Variants in PCSK5 observed in about 807,000 individuals in gnomAD.
The protein encoded by PCSK5 is prohormone convertase 5.
In PCSK5, 129 loss-of-function variants were observed where a neutral mutation model predicts 233.2. The ratio of observed to expected loss-of-function variants is 0.55; its 90% CI spans 0.48 to 0.64. The LOEUF is 0.64. PCSK5 is among the 30% of genes least tolerant of loss of function. PCSK5 has a pLI of 0.00. For missense variants in PCSK5, 2,076 were observed against 2,430.1 expected (o/e 0.85, Z 3.06); for synonymous variants, 825 against 879.2 (o/e 0.94, Z 1.09).
intron 4 of PCSK5, among the ~76,000 whole-genome samples, chr9:76,026,353 A>G (rs530899254): frequency 6.6e-6 from 1 of 152,276 alleles, no homozygotes; most frequent in South Asian, 2.1e-4. Context: ...TATTAGTAGA[A>G]TGTCTAAATT....
chr9:76,233,156 T>A (rs1826147173), intron 21 of PCSK5, among the ~76,000 whole-genome samples: 1 of 152,192 alleles, frequency 6.6e-6, no homozygotes, highest in Non-Finnish European at 1.5e-5. Flanking sequence ...TGGCTGGGTT[T>A]GGTTGGGGCC....
chr9:76,030,362 A>G (rs941433561), intron 5 of PCSK5, among the ~76,000 whole-genome samples: 1 of 152,126 alleles, frequency 6.6e-6, no homozygotes, highest in Non-Finnish European at 1.5e-5. Flanking sequence ...CTGATTATAA[A>G]ACCATCTAAA....
At position 76,129,086 on chromosome 9, in the gene PCSK5, T is replaced by C. The variant is rs575567385; in HGVS notation, c.1209-5023T>C. On this transcript the variant is annotated intron_variant, in intron 9 of 37. Coordinates refer to ENST00000674117, the MANE Select transcript of PCSK5 (RefSeq NM_001372043.1). Reference sequence around the variant, plus strand: ...TACCACTTTCATACACTAGCTGCAATCAGAGTAATGTTTTTACCTATCTCA... The same window carrying C: ...TACCACTTTCATACACTAGCTGCAACCAGAGTAATGTTTTTACCTATCTCA... Among the ~76,000 whole-genome samples, 476 of 152,282 alleles carry C rather than the reference T, an allele frequency of 3.1e-3. 4 individuals carry two copies. Among genetic ancestry groups the C allele is most frequent in the African/African-American group, 0.011 (453 of 41,556 alleles).
chr9:76,231,855 G>T (rs1826098082), intron 21 of PCSK5, among the ~76,000 whole-genome samples: 1 of 152,178 alleles, frequency 6.6e-6, no homozygotes, highest in South Asian at 2.1e-4. Flanking sequence ...CTCATACTCT[G>T]CAGTGGACCA....
At chr9:76,231,959 G>A (rs192085688) in intron 21 of PCSK5, among the ~76,000 whole-genome samples, 13 of 150,348 alleles carry the variant, frequency 8.6e-5, no homozygotes, top group Admixed American at 7.3e-4. Flanking sequence ...TTAGGTTGTC[G>A]GCTTGAATCC....
chr9:76,317,981 C>T (rs886775898), intron 30 of PCSK5, among the ~76,000 whole-genome samples: 4 of 152,042 alleles, frequency 2.6e-5, no homozygotes, highest in African/African-American at 9.7e-5. Context: ...TGGTTTGTGG[C>T]ACAGCAATAT....
intron 30 of PCSK5, among the ~76,000 whole-genome samples, chr9:76,313,926 C>G (rs775216671): frequency 1.1e-4 from 17 of 152,252 alleles, no homozygotes; most frequent in African/African-American, 3.9e-4. Flanking sequence ...AGCTCCACCC[C>G]AGCAAACTCA....
chr9:76,315,841 A>T (rs920324823), intron 30 of PCSK5, among the ~76,000 whole-genome samples: 3 of 151,598 alleles, frequency 2.0e-5, no homozygotes, highest in African/African-American at 7.3e-5. Context: ...CATGTTGGCC[A>T]AGCTGGTCTT....
Position 76,023,798 on chromosome 9 carries a change from A to G in PCSK5, c.472A>G (p.Arg158Gly). The G allele has an allele frequency of 6.2e-7, 1 of 1,613,104 alleles. No homozygotes were observed. The highest frequency in any genetic ancestry group is 8.5e-7 in the Non-Finnish European group (1 of 1,179,104). Residue 158 changes from arginine to glycine, a missense_variant, in exon 4 of 38, where the codon AGA (arginine) becomes GGA (glycine). Arg to Gly is a moderately radical substitution (Grantham distance 125). This residue lies in a region of PCSK5 where 190 missense variants were observed against 216.3 expected (regional missense o/e 0.88). Transcript: ENST00000674117. ...SDMNIEGAWK[R>G]GYTGKNIVVT... Reference sequence around the variant, plus strand: ...CATGAATATCGAAGGAGCCTGGAAGAGAGGCTACACGGGAAAGAACATTGT... The same window carrying G: ...CATGAATATCGAAGGAGCCTGGAAGGGAGGCTACACGGGAAAGAACATTGT...
At chr9:76,173,078 T>C (rs951963827) in intron 13 of PCSK5, among the ~76,000 whole-genome samples, 1 of 152,226 alleles carries the variant, frequency 6.6e-6, no homozygotes, top group Admixed American at 6.5e-5. Flanking sequence ...TGTCCTCTTA[T>C]TGCCTTTGAG....
intron 3 of PCSK5, among the ~76,000 whole-genome samples, chr9:76,019,287 C>G (rs1828081145): frequency 1.3e-5 from 2 of 151,786 alleles, no homozygotes; most frequent in South Asian, 4.2e-4. Flanking sequence ...CCAACAACTC[C>G]TGAACTCCAA....
chr9:76,048,684 C>A (rs113031174), intron 5 of PCSK5, among the ~76,000 whole-genome samples: 3 of 152,190 alleles, frequency 2.0e-5, no homozygotes, highest in South Asian at 2.1e-4. Flanking sequence ...ATGTAGTACA[C>A]GACTATTAGA....
At chr9:76,197,051 G>A (rs1824733491) in intron 20 of PCSK5, among the ~76,000 whole-genome samples, 1 of 152,142 alleles carries the variant, frequency 6.6e-6, no homozygotes, top group Non-Finnish European at 1.5e-5. Context: ...GTCTTACCTG[G>A]GAAGACAGGA....
chr9:76,330,405 T>C (rs1829492704), intron 33 of PCSK5, among the ~76,000 whole-genome samples: 1 of 151,996 alleles, frequency 6.6e-6, no homozygotes, highest in Admixed American at 6.6e-5. Flanking sequence ...TATGAGCACT[T>C]TTCTCCCCCA....
chr9:76,011,824 G>A (rs530619252), intron 3 of PCSK5, among the ~76,000 whole-genome samples: 1 of 152,256 alleles, frequency 6.6e-6, no homozygotes, highest in African/African-American at 2.4e-5. Flanking sequence ...TTTCCAAAAT[G>A]AAGTTTCAGT....
In PCSK5 at chr9:76,227,525, C is replaced by T. The variant is rs542207098; in HGVS notation, c.2649C>T (p.Gly883=). ...CKDGEYVDEH[G]HCQTCEASCA... is the part of the protein sequence containing the mutation. The stretch of plus-strand genomic sequence containing the variant: ...CAGGAGAATATGTTGATGAGCATGG[C>T]CACTGCCAGACCTGTGAGGCCTCAT... Residue 883 remains glycine, a synonymous_variant, in exon 21 of 38, where the codon GGC becomes GGT. Transcript: ENST00000674117. The T allele has an allele frequency of 2.3e-5, 37 of 1,611,324 alleles. No homozygotes were observed. Among genetic ancestry groups the T allele is most frequent in the Middle Eastern group, 1.7e-4 (1 of 6,058 alleles).
chr9:76,074,609 C>G (rs971506635), intron 7 of PCSK5, among the ~76,000 whole-genome samples: 2 of 152,106 alleles, frequency 1.3e-5, no homozygotes, highest in Non-Finnish European at 2.9e-5. Context: ...GGATTGAGTC[C>G]AATATTTGCC....
chr9:76,316,435 G>C (rs1048226082), intron 30 of PCSK5, among the ~76,000 whole-genome samples: 2 of 151,826 alleles, frequency 1.3e-5, no homozygotes, highest in Non-Finnish European at 2.9e-5. Flanking sequence ...ATTTTCATTC[G>C]ATTAGAAGAT....
chr9:76,113,422 A>G (rs558878937), intron 9 of PCSK5, among the ~76,000 whole-genome samples: 1 of 152,296 alleles, frequency 6.6e-6, no homozygotes, highest in East Asian at 1.9e-4. Context: ...GTCTATATAA[A>G]TCTTACATAA....
Sources: gnomAD v4.1 joint callset for allele counts (sites outside exome capture counted in the v4.1 genomes callset) on GRCh38, gnomAD v4.1.1 for gene constraint, gnomAD v4.1.1 regional missense constraint, MANE v1.5 for transcripts, NCBI Gene and HGNC (gene_info 2026-07-23, HGNC 2026-07-21) for gene names.